Variants in SMAP2 observed in about 807,000 individuals in gnomAD.
SMAP2 encodes the protein small ArfGAP2, also known as stromal membrane-associated protein 2.
Under a neutral mutation model 56.4 loss-of-function variants are expected in SMAP2, and 25 were observed. The ratio of observed to expected loss-of-function variants is 0.44; its 90% confidence interval spans 0.32 to 0.62. SMAP2 has a LOEUF of 0.62. SMAP2 is among the 20% of genes least tolerant of loss of function. The probability of loss-of-function intolerance (pLI) is 0.04; values close to 1 mark genes in which losing one functional copy is unlikely to be tolerated. For synonymous variants in SMAP2, 157 were observed against 181.7 expected, an observed-to-expected ratio of 0.86 and a Z score of 1.09; for missense variants, 388 against 545.6, an observed-to-expected ratio of 0.71 and a Z score of 2.88.
chr1:40,363,776 C>T lies in SMAP2; in HGVS notation c.55+1340C>T, dbSNP rs139745013. 2.0e-5 allele frequency among the ~76,000 whole-genome samples: 3 copies of T among 152,300 alleles called. No homozygotes were observed. The East Asian group carries it at 5.8e-4, about 29-fold the overall frequency. On this transcript the variant is annotated intron_variant, in intron 2 of 6. Transcript: ENST00000435168. ...GCAGCCGTGTGGATCAGAGAGAGAA[C>T]TGGTGTGCTTGGGGGAAGGAGAGTG...
intron 9 of SMAP2, 66 bp from the exon 10 acceptor site, chr1:40,421,910 C>T: frequency 6.3e-7 from 1 of 1,598,798 alleles, no homozygotes; most frequent in South Asian, 1.1e-5. Context: ...GACTCTCACC[C>T]TGCCTTTTGC....
chr1:40,376,942 T>C (rs7546656), intron 1 of SMAP2, among the ~76,000 whole-genome samples: 14,490 of 152,256 alleles, frequency 0.095, 736 homozygotes, highest in East Asian at 0.17. Flanking sequence ...TAAATTCTTA[T>C]ACTTATTTAG....
At chr1:40,370,856 TA>T (rs57519270), upstream of SMAP2, among the ~76,000 whole-genome samples, 16,676 of 132,370 alleles carry the variant, frequency 0.13, 1,012 homozygotes, top group African/African-American at 0.17. Context: ...TAAAGTATAA[TA>T]AAAAAAAAAA....
At chr1:40,349,938 C>T (rs933656859) in intron 1 of SMAP2, among the ~76,000 whole-genome samples, 1 of 152,152 alleles carries the variant, frequency 6.6e-6, no homozygotes, top group Non-Finnish European at 1.5e-5. Context: ...TGGCAGAGAG[C>T]AGGTGAGTCA....
intron 1 of SMAP2, among the ~76,000 whole-genome samples, chr1:40,387,570 G>A (rs947040419): frequency 1.2e-4 from 18 of 152,080 alleles, no homozygotes; most frequent in South Asian, 1.0e-3. Context: ...TGGGGAATTC[G>A]GGAGAACCCT....
rs377607503 is a variant in SMAP2 at position 40,352,422 on chromosome 1, T to C, written c.-83+7512T>C. The stretch of plus-strand genomic sequence containing the variant: ...TCTCTGCCTATAATGTTCTCCTCCT[T>C]GATTGCTCGGAAAAGAACTCCACTC... On this transcript the variant is annotated intron_variant, in intron 1 of 6. Transcript: ENST00000435168. 7.0e-4 allele frequency among the ~76,000 whole-genome samples: 106 copies of C among 152,298 alleles called. No homozygotes were observed. In the South Asian group the frequency reaches 0.013, roughly 19 times the overall value.
At position 40,374,912 on chromosome 1, in the gene SMAP2, C is replaced by T; in HGVS notation, c.103+689C>T. On this transcript the variant is annotated intron_variant, in intron 1 of 9. Transcript: ENST00000372718. This position sits in a 1 kb window ranked among gnomAD's most constrained non-coding sequence, Gnocchi z 5.9. ...TTGGAGGCCTATGTATGAGTGGTGG[C>T]AGAAACTAGCCGATTATGCCTGTAG... 2.3e-5 allele frequency: 23 copies of T among 985,322 alleles called. No homozygotes were observed. Among genetic ancestry groups the T allele is most frequent in the Non-Finnish European group, 2.8e-5 (23 of 829,904 alleles). 61.0% of individuals were successfully genotyped at this position (985,322 alleles called of 1,614,324 possible).
At chr1:40,359,469 G>T (rs1188992337) in intron 1 of SMAP2, among the ~76,000 whole-genome samples, 1 of 152,110 alleles carries the variant, frequency 6.6e-6, no homozygotes, top group African/African-American at 2.4e-5. Flanking sequence ...CATCCATTCA[G>T]CCACTTTATG....
chr1:40,396,928 C>T (rs1414513241), intron 1 of SMAP2: 1 of 862,802 alleles, frequency 1.2e-6, no homozygotes, highest in Non-Finnish European at 1.4e-6. Context: ...ACAAATACTG[C>T]TGCTTTTTTT....
chr1:40,400,849 G>T (rs1479470498), intron 1 of SMAP2, among the ~76,000 whole-genome samples: 1 of 152,140 alleles, frequency 6.6e-6, no homozygotes, highest in Non-Finnish European at 1.5e-5. Flanking sequence ...CTAATTGCTT[G>T]TTAGTCTGTG....
At chr1:40,395,394 A>G (rs1038630687) in intron 1 of SMAP2, among the ~76,000 whole-genome samples, 3 of 152,038 alleles carry the variant, frequency 2.0e-5, no homozygotes, top group African/African-American at 7.3e-5. Flanking sequence ...TTAATAATAA[A>G]CCAATGGCCA....
intron 1 of SMAP2, among the ~76,000 whole-genome samples, chr1:40,400,410 T>C (rs958268610): frequency 2.0e-5 from 3 of 152,154 alleles, no homozygotes; most frequent in Non-Finnish European, 4.4e-5. Context: ...TGGTTTTGGT[T>C]TGGGCTCAAG....
chr1:40,418,682 A>G (rs1456105737), intron 9 of SMAP2, among the ~76,000 whole-genome samples: 1 of 152,208 alleles, frequency 6.6e-6, no homozygotes, highest in South Asian at 2.1e-4. Flanking sequence ...TACTTAGAAC[A>G]AACAAAAAAT....
At chr1:40,355,430 G>A (rs1273467616) in intron 1 of SMAP2, among the ~76,000 whole-genome samples, 1 of 152,068 alleles carries the variant, frequency 6.6e-6, no homozygotes, top group African/African-American at 2.4e-5. Flanking sequence ...TGTGTACATA[G>A]TAGGTGTATG....
intron 1 of SMAP2, chr1:40,393,320 C>CA: frequency 6.6e-7 from 1 of 1,522,108 alleles, no homozygotes. Flanking sequence ...GAAGAACAAA[C>CA]AAAAAACCCA....
At chr1:40,381,572 T>G (rs1644599524) in intron 1 of SMAP2, among the ~76,000 whole-genome samples, 1 of 152,080 alleles carries the variant, frequency 6.6e-6, no homozygotes, top group Non-Finnish European at 1.5e-5. Flanking sequence ...TGGGGATTCT[T>G]TAGTATATTT....
chr1:40,358,186 T>C (rs1281294314), intron 1 of SMAP2, among the ~76,000 whole-genome samples: 2 of 152,216 alleles, frequency 1.3e-5, no homozygotes, highest in African/African-American at 4.8e-5. Context: ...TTTGTAGCTA[T>C]TGTAAATGGG....
At chr1:40,393,541 CTTTTTTTTTTT>C in intron 1 of SMAP2, 2 of 811,060 alleles carry the variant, frequency 2.5e-6, no homozygotes, top group Non-Finnish European at 3.4e-6. Flanking sequence ...GTTCTTCTAA[CTTTTTTTTTTT>C]TTTTTTTTTT....
intron 1 of SMAP2, among the ~76,000 whole-genome samples, chr1:40,389,731 G>A (rs1170880623): frequency 1.3e-5 from 2 of 152,246 alleles, no homozygotes; most frequent in Non-Finnish European, 2.9e-5. Context: ...ACAGGAGGCT[G>A]AAATAGCAGT....
Sources: gnomAD v4.1 joint callset for allele counts (sites outside exome capture counted in the v4.1 genomes callset) on GRCh38, gnomAD v4.1.1 for gene constraint, Gnocchi (gnomAD v3.1) non-coding constraint, MANE v1.5 for transcripts, NCBI Gene and HGNC (gene_info 2026-07-23, HGNC 2026-07-21) for gene names.